Variants in PDE4D observed in about 807,000 individuals in gnomAD.
The protein encoded by PDE4D is phosphodiesterase 4D.
PDE4D carries 24 observed loss-of-function variants against 87.4 expected under a neutral mutation model. That is an observed-to-expected ratio of 0.27 (90% CI 0.20 to 0.39). The LOEUF is 0.39. Among genes scored for constraint, PDE4D ranks in the 10% least tolerant of loss-of-function variants. PDE4D has a pLI of 1.00. For missense variants in PDE4D, 714 were observed against 1,041.0 expected, an observed-to-expected ratio of 0.69 and a Z score of 4.32; for synonymous variants, 384 against 383.2, an observed-to-expected ratio of 1.00 and a Z score of -0.02.
chr5:60,316,536 G>C (rs1344821362), intron 1 of PDE4D, among the ~76,000 whole-genome samples: 1 of 152,188 alleles, frequency 6.6e-6, no homozygotes, highest in Non-Finnish European at 1.5e-5. Flanking sequence ...AGTAGGAGTG[G>C]TGAGAGAGGG....
At chr5:59,659,606 T>C (rs982354098) in intron 1 of PDE4D, among the ~76,000 whole-genome samples, 1 of 152,250 alleles carries the variant, frequency 6.6e-6, no homozygotes, top group Non-Finnish European at 1.5e-5. Flanking sequence ...AAAAATGTTT[T>C]TCATTTGGTA....
At position 60,282,235 on chromosome 5, in the gene PDE4D, A is replaced by ATATATATATATATATG. The variant is rs1490291783; in HGVS notation, c.-89-96549_-89-96548insCATATATATATATATA. 3.6e-3 allele frequency among the ~76,000 whole-genome samples: 469 copies of ATATATATATATATATG among 131,976 alleles called. 3 individuals carry two copies. The highest frequency in any genetic ancestry group is 5.6e-3 in the Non-Finnish European group (343 of 61,706). 86.6% of individuals were successfully genotyped at this position (131,976 alleles called of 152,430 possible). A position where few individuals can be genotyped will look rare whatever the true frequency, so the allele number is the denominator to read the frequency against. The stretch of plus-strand genomic sequence containing the variant: ...TATATATATATATATATATATATAT[A>ATATATATATATATATG]TATTTCTCAAAATGAGCTCTATTTG... On this transcript the variant is annotated intron_variant, in intron 1 of 16. Transcript: ENST00000502484.
At chr5:60,200,001 G>A (rs1290099956) in intron 1 of PDE4D, among the ~76,000 whole-genome samples, 1 of 151,596 alleles carries the variant, frequency 6.6e-6, no homozygotes, top group African/African-American at 2.4e-5. Flanking sequence ...AGGCAGGAGA[G>A]ACAGACACCA....
chr5:59,506,203 G>A (rs1809231995), intron 1 of PDE4D, among the ~76,000 whole-genome samples: 1 of 151,928 alleles, frequency 6.6e-6, no homozygotes, highest in South Asian at 2.1e-4. Context: ...AGTAAGGTAA[G>A]TATTTTAAAA....
chr5:59,198,343 G>A (rs951083848), intron 2 of PDE4D, among the ~76,000 whole-genome samples: 4 of 152,096 alleles, frequency 2.6e-5, no homozygotes, highest in African/African-American at 9.7e-5. Flanking sequence ...ATGTATACAT[G>A]TATGTATGTA....
intron 3 of PDE4D, among the ~76,000 whole-genome samples, chr5:59,920,093 ATGT>A (rs995679108): frequency 1.1e-4 from 16 of 152,302 alleles, no homozygotes; most frequent in African/African-American, 3.4e-4. Context: ...CAAAACCCTA[ATGT>A]TGTGCTAGCA....
chr5:59,814,411 G>A (rs924303258), intron 1 of PDE4D, among the ~76,000 whole-genome samples: 2 of 152,160 alleles, frequency 1.3e-5, no homozygotes, highest in Admixed American at 6.5e-5. Flanking sequence ...AAGTGACAAT[G>A]GTAGATCTAA....
chr5:60,314,471 G>C (rs1366214692), intron 1 of PDE4D, among the ~76,000 whole-genome samples: 1 of 151,900 alleles, frequency 6.6e-6, no homozygotes, highest in Non-Finnish European at 1.5e-5. Flanking sequence ...CCGGCGGACA[G>C]TATGATTTTA....
chr5:59,892,646 A>G (rs1327855005), intron 1 of PDE4D, among the ~76,000 whole-genome samples: 1 of 151,916 alleles, frequency 6.6e-6, no homozygotes, highest in Non-Finnish European at 1.5e-5. Context: ...TTTAGCTGCA[A>G]TCCTGGGACC....
rs201580566 is a variant in PDE4D at position 59,046,444 on chromosome 5, A to G, written c.809-7473T>C. Among the ~76,000 whole-genome samples, 82 of 125,682 alleles carry G rather than the reference A, an allele frequency of 6.5e-4. No homozygotes were observed. In the South Asian group the frequency reaches 8.1e-3, roughly 12 times the overall value. 82.5% of individuals were successfully genotyped at this position (125,682 alleles called of 152,430 possible). On this transcript the variant is annotated intron_variant, in intron 5 of 14. Coordinates refer to ENST00000340635, the MANE Select transcript of PDE4D (RefSeq NM_001104631.2). ...AATGTGTGTGTGTGTGTGTGTGTGT[A>G]TGTGTGTGTAAGAGAAAGGAGTCAG...
chr5:59,133,971 T>G (rs2153452163), intron 5 of PDE4D, among the ~76,000 whole-genome samples: 1 of 141,240 alleles, frequency 7.1e-6, no homozygotes, highest in Admixed American at 7.2e-5. Flanking sequence ...CCCTTGTAAC[T>G]TAGCAACTAG....
chr5:59,227,052 G>C (rs149084), intron 1 of PDE4D, among the ~76,000 whole-genome samples: 19,347 of 152,146 alleles, frequency 0.13, 1,306 homozygotes, highest in South Asian at 0.14. Flanking sequence ...CTGAGAGTCA[G>C]CTGTAGTCCC....
chr5:59,366,068 A>G (rs1427866763), intron 1 of PDE4D, among the ~76,000 whole-genome samples: 1 of 152,208 alleles, frequency 6.6e-6, no homozygotes, highest in Non-Finnish European at 1.5e-5. Flanking sequence ...CATTTTCAAA[A>G]ATACAGAAAA....
Position 60,433,457 on chromosome 5 carries a change from T to C in PDE4D, c.-90+54485A>G, listed in dbSNP as rs1744516899. Among the ~76,000 whole-genome samples, 3 of 152,208 alleles carry C rather than the reference T, an allele frequency of 2.0e-5. No homozygotes were observed. The South Asian group carries it at 6.2e-4, about 32-fold the overall frequency. On this transcript the variant is annotated intron_variant, in intron 1 of 16. Transcript: ENST00000502484. ...TGATACTGCAAAGAAAAGGGAATATTTATACACTGCTAGTGGGAATGTAAA... is the reference window on the plus strand; with the variant it reads ...TGATACTGCAAAGAAAAGGGAATATCTATACACTGCTAGTGGGAATGTAAA...
At position 59,185,074 on chromosome 5, in the gene PDE4D, C is replaced by T. The variant is rs1742579591; in HGVS notation, c.758+115G>A. The T allele has an allele frequency of 1.1e-5, 8 of 716,706 alleles. No homozygotes were observed. The South Asian group carries it at 1.5e-4, about 13-fold the overall frequency. 44.4% of individuals were successfully genotyped at this position (716,706 alleles called of 1,614,324 possible). ...AGGACATCATATGACTTAGTATACACAGACAACATGGCAACAACACAGAGA... is the reference window on the plus strand; with the variant it reads ...AGGACATCATATGACTTAGTATACATAGACAACATGGCAACAACACAGAGA... On this transcript the variant is annotated intron_variant, in intron 4 of 14. Transcript: ENST00000340635.
chr5:59,401,693 G>C, intron 1 of PDE4D, among the ~76,000 whole-genome samples: 1 of 152,186 alleles, frequency 6.6e-6, no homozygotes, highest in South Asian at 2.1e-4. Flanking sequence ...TAGCTCTGCT[G>C]ATGTTGCTCT....
At chr5:59,151,995 C>T (rs1057493182) in intron 5 of PDE4D, among the ~76,000 whole-genome samples, 2 of 151,958 alleles carry the variant, frequency 1.3e-5, no homozygotes, top group Non-Finnish European at 2.9e-5. Context: ...AGGAGAAGAT[C>T]GGAGAAAACA....
chr5:60,247,805 T>C (rs1312175916), intron 1 of PDE4D, among the ~76,000 whole-genome samples: 1 of 152,014 alleles, frequency 6.6e-6, no homozygotes, highest in East Asian at 1.9e-4. Context: ...CTGCTTACTG[T>C]CAACAAGTTA....
intron 2 of PDE4D, among the ~76,000 whole-genome samples, chr5:60,077,910 C>T (rs943225730): frequency 3.3e-5 from 5 of 152,172 alleles, no homozygotes; most frequent in Non-Finnish European, 5.9e-5. Context: ...GACCAGGAAC[C>T]GGTCCTGGTG....
Sources: gnomAD v4.1 joint callset for allele counts (sites outside exome capture counted in the v4.1 genomes callset) on GRCh38, gnomAD v4.1.1 for gene constraint, MANE v1.5 for transcripts, NCBI Gene and HGNC (gene_info 2026-07-23, HGNC 2026-07-21) for gene names.